The following FNIP1 variants were observed in gnomAD, a reference collection of about 807,000 sequenced individuals.
The protein encoded by FNIP1 is folliculin interacting protein 1, also known as folliculin-interacting protein 1.
Under a neutral mutation model 124.5 loss-of-function variants are expected in FNIP1, and 40 were observed. That is an observed-to-expected ratio of 0.32 (90% CI 0.25 to 0.42). The LOEUF is 0.42. Among genes scored for constraint, FNIP1 ranks in the 10% least tolerant of loss-of-function variants. The pLI is 1.00. For missense variants in FNIP1, 1,176 were observed against 1,403.7 expected (o/e 0.84, Z 2.59); for synonymous variants, 472 against 470.6 (o/e 1.00, Z -0.04).
At chr5:131,788,594 G>C (rs545802893) in intron 1 of FNIP1, among the ~76,000 whole-genome samples, 1 of 151,322 alleles carries the variant, frequency 6.6e-6, no homozygotes, top group African/African-American at 2.4e-5. Flanking sequence ...CCAGCTACTC[G>C]GGAGGCTGAG....
chr5:131,668,937 G>A (rs1253892491), intron 15 of FNIP1, among the ~76,000 whole-genome samples: 1 of 152,122 alleles, frequency 6.6e-6, no homozygotes, highest in Admixed American at 6.5e-5. Context: ...GTGAAACCAC[G>A]AATGAACTTC....
chr5:131,774,895 T>C (rs969344607), intron 1 of FNIP1, among the ~76,000 whole-genome samples: 13 of 152,218 alleles, frequency 8.5e-5, no homozygotes, highest in African/African-American at 3.1e-4. Flanking sequence ...AAATGTTTCC[T>C]CATGCTCTCT....
intron 1 of FNIP1, among the ~76,000 whole-genome samples, chr5:131,785,829 A>T (rs1772199232): frequency 6.6e-6 from 1 of 152,202 alleles, no homozygotes; most frequent in Non-Finnish European, 1.5e-5. Flanking sequence ...GCAAAGTGAG[A>T]CCTTGTTTCT....
intron 3 of FNIP1, among the ~76,000 whole-genome samples, chr5:131,727,416 T>C (rs947927104): frequency 9.8e-5 from 15 of 152,352 alleles, no homozygotes; most frequent in African/African-American, 3.6e-4. Flanking sequence ...TTTACCATTA[T>C]GTAATGCCCT....
chr5:131,690,442 G>C (rs868190449), intron 11 of FNIP1, among the ~76,000 whole-genome samples: 1 of 151,976 alleles, frequency 6.6e-6, no homozygotes, highest in Non-Finnish European at 1.5e-5. Flanking sequence ...TCACGGAGGC[G>C]GTTTCCCCCA....
intron 3 of FNIP1, among the ~76,000 whole-genome samples, chr5:131,722,899 T>A (rs924160721): frequency 3.3e-5 from 5 of 152,182 alleles, no homozygotes; most frequent in Non-Finnish European, 7.3e-5. Flanking sequence ...TTGGCCAGGA[T>A]GATAACAATC....
At chr5:131,746,624 G>C (rs918850137) in intron 1 of FNIP1, among the ~76,000 whole-genome samples, 1 of 152,106 alleles carries the variant, frequency 6.6e-6, no homozygotes, top group African/African-American at 2.4e-5. Context: ...TTTTATGGCT[G>C]AGTAGTATTC....
intron 13 of FNIP1, among the ~76,000 whole-genome samples, chr5:131,677,263 G>A (rs909371557): frequency 6.6e-6 from 1 of 152,096 alleles, no homozygotes; most frequent in African/African-American, 2.4e-5. Flanking sequence ...TTGTTTAGTG[G>A]TGCTTAACAC....
intron 7 of FNIP1, among the ~76,000 whole-genome samples, chr5:131,709,896 C>G (rs183425015): frequency 6.8e-4 from 103 of 152,188 alleles, no homozygotes; most frequent in African/African-American, 2.4e-3. Flanking sequence ...TGATACCAAT[C>G]TGAGAACAAT....
rs957990466 is a variant in FNIP1 at position 131,708,328 on chromosome 5, C to A, written c.778+873G>T. ...TTACAAAACAATTTCGATAGCAGAG[C>A]CATATAATGTAACAACACATGCTAT... is the stretch of plus-strand genomic sequence containing the variant. On this transcript the variant is annotated intron_variant, in intron 8 of 17. Transcript: ENST00000510461. Among the ~76,000 whole-genome samples, 3 of 152,130 alleles carry A rather than the reference C, an allele frequency of 2.0e-5. No homozygotes were observed. In the South Asian group the frequency reaches 6.2e-4, roughly 31 times the overall value.
chr5:131,775,798 G>GT (rs1202233608), intron 1 of FNIP1, among the ~76,000 whole-genome samples: 1 of 152,102 alleles, frequency 6.6e-6, no homozygotes, highest in African/African-American at 2.4e-5. Context: ...AAAGTGCTGG[G>GT]ATTAGAGGCA....
chr5:131,748,599 A>C (rs758308134), intron 1 of FNIP1, among the ~76,000 whole-genome samples: 8 of 148,274 alleles, frequency 5.4e-5, no homozygotes, highest in Non-Finnish European at 1.0e-4. Context: ...CAGGAGGCTG[A>C]GGCAGGAGAA....
chr5:131,730,857 A>T (rs1246540360), intron 3 of FNIP1, 47 bp downstream of exon 3: 2 of 1,509,040 alleles, frequency 1.3e-6, no homozygotes, highest in Non-Finnish European at 1.8e-6. Flanking sequence ...TGATGTTCAA[A>T]ACTAATTATA....
intron 11 of FNIP1, among the ~76,000 whole-genome samples, chr5:131,681,881 C>T (rs1488276495): frequency 6.6e-6 from 1 of 150,996 alleles, no homozygotes; most frequent in Non-Finnish European, 1.5e-5. Context: ...CCATAAAGGA[C>T]CAAGAAACAG....
chr5:131,687,101 T>A (rs1024334388), intron 11 of FNIP1, among the ~76,000 whole-genome samples: 1 of 150,980 alleles, frequency 6.6e-6, no homozygotes, highest in Non-Finnish European at 1.5e-5. Context: ...GTGGTTTGTT[T>A]GGCTTTTTTT....
intron 14 of FNIP1, 104 bp from the exon 15 acceptor site, chr5:131,670,735 CTG>C (rs1767725883): frequency 1.3e-6 from 1 of 791,864 alleles, no homozygotes; most frequent in Non-Finnish European, 1.9e-6. Context: ...TTACACTAGT[CTG>C]TATTAAAATC....
At chr5:131,749,767 C>T (rs1214604135) in intron 1 of FNIP1, among the ~76,000 whole-genome samples, 1 of 152,030 alleles carries the variant, frequency 6.6e-6, no homozygotes, top group Non-Finnish European at 1.5e-5. Flanking sequence ...CAAATACTTA[C>T]CATTGTGTTA....
At chr5:131,660,476 C>T (rs1467104259) in intron 15 of FNIP1, among the ~76,000 whole-genome samples, 1 of 152,114 alleles carries the variant, frequency 6.6e-6, no homozygotes, top group Admixed American at 6.5e-5. Flanking sequence ...CATCCAGAAG[C>T]GATTTGGCCC....
At chr5:131,727,456 T>G (rs1315553651) in intron 3 of FNIP1, among the ~76,000 whole-genome samples, 1 of 152,226 alleles carries the variant, frequency 6.6e-6, no homozygotes, top group Non-Finnish European at 1.5e-5. Context: ...CTTTAATATC[T>G]TTGCTGGTTT....
Sources: gnomAD v4.1 joint callset for allele counts (sites outside exome capture counted in the v4.1 genomes callset) on GRCh38, gnomAD v4.1.1 for gene constraint, MANE v1.5 for transcripts, NCBI Gene and HGNC (gene_info 2026-07-23, HGNC 2026-07-21) for gene names.